Variants in AP5M1 observed in about 807,000 individuals in gnomAD.
AP5M1 encodes the protein AP-5 complex subunit mu-1.
AP5M1 carries 44 observed loss-of-function variants against 52.3 expected under a neutral mutation model. The observed-to-expected ratio is 0.84, with a 90% confidence interval of 0.66 to 1.08. The LOEUF (loss-of-function observed/expected upper bound fraction) is 1.08, where lower values mean the gene tolerates loss of function less well. Ranked by LOEUF, AP5M1 falls within the 50% of genes least tolerant of loss-of-function variation. The pLI is 0.00. For missense variants in AP5M1, 526 were observed against 568.4 expected (o/e 0.93, Z 0.76); for synonymous variants, 213 against 199.0 (o/e 1.07, Z -0.59).
intron 3 of AP5M1, among the ~76,000 whole-genome samples, chr14:57,281,247 G>A (rs76980129): frequency 3.9e-4 from 59 of 152,142 alleles, no homozygotes; most frequent in African/African-American, 1.4e-3. Context: ...CTTGCACCAC[G>A]TCTATAGTTG....
Position 57,280,267 on chromosome 14 carries a change from G to A in AP5M1, c.793G>A (p.Asp265Asn). 6.2e-7 allele frequency: 1 copy of A among 1,614,018 alleles called. No homozygotes were observed. The change falls in exon 3 of 8, where the codon GAT becomes AAT. Residue 265 changes from aspartate (D) to asparagine (N), a missense_variant. Asp to Asn is a conservative substitution (Grantham distance 23, BLOSUM62 1). Coordinates refer to ENST00000261558, the MANE Select transcript of AP5M1 (RefSeq NM_018229.4). ...SLPTNGSPLQ[D>N]ILVHPCVTSL... is the part of the protein sequence containing the mutation. Reference sequence around the variant, plus strand: ...CCCCACCAATGGATCTCCACTTCAGGATATTCTAGTTCACCCTTGTGTAAC... The same window carrying A: ...CCCCACCAATGGATCTCCACTTCAGAATATTCTAGTTCACCCTTGTGTAAC...
rs368064242 is a variant in AP5M1, at chr14:57,295,762, CCTTCCAGTTA to C, written c.*6886_*6895del. 317 of 150,022 alleles carry C rather than the reference CCTTCCAGTTA, an allele frequency of 2.1e-3. 1 individual carries two copies. The highest frequency in any genetic ancestry group is 7.3e-3 in the African/African-American group (298 of 40,876). 9.3% of individuals were successfully genotyped at this position (150,022 alleles called of 1,614,324 possible). Reference sequence around the variant, plus strand: ...TCATTTATTTATTTATTTGGGTATACCTTCCAGTTACTTCCAGATGCTTTATGTAACTTTC... The same window carrying C: ...TCATTTATTTATTTATTTGGGTATACCTTCCAGATGCTTTATGTAACTTTC... On this transcript the variant is annotated 3_prime_UTR_variant, in exon 8 of 8. Transcript: ENST00000261558.
intron 7 of AP5M1, among the ~76,000 whole-genome samples, chr14:57,288,075 G>T (rs961096333): frequency 1.3e-5 from 2 of 151,798 alleles, no homozygotes; most frequent in Non-Finnish European, 2.9e-5. Flanking sequence ...CTCAAACTTT[G>T]AAGAGAACAA....
At chr14:57,276,344 G>A (rs1278480644) in intron 2 of AP5M1, among the ~76,000 whole-genome samples, 1 of 152,196 alleles carries the variant, frequency 6.6e-6, no homozygotes, top group Non-Finnish European at 1.5e-5. Flanking sequence ...CAGAGGCCAA[G>A]GCGGGCGAAT....
chr14:57,271,614 C>G (rs921621153), intron 1 of AP5M1, among the ~76,000 whole-genome samples: 1 of 145,916 alleles, frequency 6.9e-6, no homozygotes, highest in Admixed American at 6.6e-5. Flanking sequence ...CAGATATTTT[C>G]TTTAATTTAC....
At chr14:57,271,008 G>A (rs1282738025) in intron 1 of AP5M1, 1 of 152,220 alleles carries the variant, frequency 6.6e-6, no homozygotes, top group Non-Finnish European at 1.5e-5. Flanking sequence ...TACCTATTGA[G>A]CTTTTGAGCT....
chr14:57,274,598 T>C lies in AP5M1; in HGVS notation c.429T>C (p.Tyr143=), dbSNP rs774630730. ...EFLFGIQDFL[Y]SGQKNDSELN... is the part of the protein sequence containing the mutation. The stretch of plus-strand genomic sequence containing the variant: ...TTTTTGGGATACAGGATTTTCTTTA[T>C]TCAGGTCAAAAAAATGACTCTGAGC... Residue 143 remains tyrosine, a synonymous_variant, in exon 2 of 8, where the codon TAT becomes TAC. Coordinates refer to ENST00000261558, the MANE Select transcript of AP5M1 (RefSeq NM_018229.4). 2 of 1,614,232 alleles carry C rather than the reference T, an allele frequency of 1.2e-6. No homozygotes were observed. The highest frequency in any genetic ancestry group is 1.7e-6 in the Non-Finnish European group (2 of 1,180,034).
chr14:57,274,305 C>T lies in AP5M1; in HGVS notation c.136C>T (p.Pro46Ser). ...VFNGASYVPV[P>S]EDGPFLKALL... ...CAATGGAGCAAGTTATGTGCCTGTTCCTGAAGATGGTCCCTTTCTTAAAGC... is the reference window on the plus strand; with the variant it reads ...CAATGGAGCAAGTTATGTGCCTGTTTCTGAAGATGGTCCCTTTCTTAAAGC... Residue 46 changes from proline to serine, a missense_variant, in exon 2 of 8, where the codon CCT (proline) becomes TCT (serine). Pro to Ser is a moderately conservative substitution (Grantham distance 74, BLOSUM62 -1). This residue lies in a region of AP5M1 where 425 missense variants were observed against 430.6 expected (regional missense o/e 0.99). Transcript: ENST00000261558. 2 of 1,614,064 alleles carry T rather than the reference C, an allele frequency of 1.2e-6. No individual in the cohort carries two copies. The highest frequency in any genetic ancestry group is 1.7e-6 in the Non-Finnish European group (2 of 1,180,000).
chr14:57,274,518 T>A lies in AP5M1; in HGVS notation c.349T>A (p.Ser117Thr). 6.2e-7 allele frequency: 1 copy of A among 1,614,174 alleles called. No homozygotes were observed. Among genetic ancestry groups the A allele is most frequent in the Non-Finnish European group, 8.5e-7 (1 of 1,180,038 alleles). ...ACVPLVEQTL[S>T]PRPPLISVSG... is the part of the protein sequence containing the mutation. ...TGTTCCACTAGTTGAACAAACTCTG[T>A]CCCCTCGTCCGCCACTAATTAGTGT... is the stretch of plus-strand genomic sequence containing the variant. Residue 117 changes from serine (S) to threonine (T), a missense_variant, in exon 2 of 8, where the codon TCC becomes ACC. By Grantham distance (58) the Ser-to-Thr change is moderately conservative. Around this residue, in one of 3 missense-constraint regions of AP5M1, gnomAD observed 425 missense variants for 430.6 expected, o/e 0.99. Coordinates refer to ENST00000261558, the MANE Select transcript of AP5M1 (RefSeq NM_018229.4).
intron 6 of AP5M1, 98 bp from the exon 7 acceptor site, chr14:57,286,125 T>C: frequency 1.3e-6 from 1 of 761,824 alleles, no homozygotes; most frequent in Non-Finnish European, 2.2e-6. Flanking sequence ...GTGAACTGTG[T>C]AAAATAAATT....
rs762453413 is a variant in AP5M1 at position 57,283,233 on chromosome 14, A to G, written c.1293+3A>G. The G allele has an allele frequency of 2.6e-6, 4 of 1,568,116 alleles. No individual in the cohort carries two copies. The East Asian group carries it at 6.7e-5, about 26-fold the overall frequency. ...CTGGAGAAACAGCATATTTAAAGGT[A>G]AACATATTTATACAGCTCACTACAG... is the stretch of plus-strand genomic sequence containing the variant. On this transcript the variant is annotated splice_donor_region_variant and intron_variant, in intron 6 of 7. Coordinates refer to ENST00000261558, the MANE Select transcript of AP5M1 (RefSeq NM_018229.4).
At chr14:57,278,543 C>G (rs555001451) in intron 2 of AP5M1, 199 of 152,250 alleles carry the variant, frequency 1.3e-3, no homozygotes, top group African/African-American at 4.6e-3. Flanking sequence ...TCATGAGTAC[C>G]TCTCATTGGC....
In AP5M1 at chr14:57,297,820, A is replaced by G. The variant is rs1353396878; in HGVS notation, c.*8936A>G. 1 of 152,174 alleles carries G rather than the reference A, an allele frequency of 6.6e-6. No homozygotes were observed. The highest frequency in any genetic ancestry group is 1.9e-4 in the East Asian group (1 of 5,198). 9.4% of individuals were successfully genotyped at this position (152,174 alleles called of 1,614,324 possible). ...ACATAACAAAACAGATTGTCCTGTCACCTAAAACAAATTAGTGATGTTTGA... is the reference window on the plus strand; with the variant it reads ...ACATAACAAAACAGATTGTCCTGTCGCCTAAAACAAATTAGTGATGTTTGA... On this transcript the variant is annotated 3_prime_UTR_variant, in exon 8 of 8. Transcript: ENST00000261558.
At chr14:57,282,861 C>A in intron 4 of AP5M1, 73 bp from the exon 5 acceptor site, 2 of 1,006,980 alleles carry the variant, frequency 2.0e-6, no homozygotes, top group Non-Finnish European at 2.9e-6. Flanking sequence ...GTAACAGTGG[C>A]CAAGTTTGAC....
At position 57,297,297 on chromosome 14, in the gene AP5M1, C is replaced by T. The variant is rs1272210711; in HGVS notation, c.*8413C>T. ...GTTTCTCCCACTGATTCCCCTCCTG[C>T]CTCCTTCACTGATTTTGAATGTGTG... On this transcript the variant is annotated 3_prime_UTR_variant, in exon 8 of 8. Coordinates refer to ENST00000261558, the MANE Select transcript of AP5M1 (RefSeq NM_018229.4). 1.3e-5 allele frequency: 2 copies of T among 152,056 alleles called. No homozygotes were observed. Among genetic ancestry groups the T allele is most frequent in the Non-Finnish European group, 2.9e-5 (2 of 68,006 alleles). The allele number at this position is 152,056 out of a possible 1,614,324, so 9.4% of individuals were successfully genotyped here.
At chr14:57,282,668 C>A (rs1294799203) in intron 4 of AP5M1, among the ~76,000 whole-genome samples, 2 of 152,108 alleles carry the variant, frequency 1.3e-5, no homozygotes, top group Non-Finnish European at 2.9e-5. Flanking sequence ...ATTGTAGCAA[C>A]CCATGTGACC....
chr14:57,284,478 C>T (rs1158779124), intron 6 of AP5M1, among the ~76,000 whole-genome samples: 2 of 151,998 alleles, frequency 1.3e-5, no homozygotes, highest in Non-Finnish European at 2.9e-5. Flanking sequence ...AGAGACAAGC[C>T]ATTCTGTAAC....
chr14:57,274,628 T>A lies in AP5M1; in HGVS notation c.459T>A (p.Asn153Lys), dbSNP rs1203201052. ...YSGQKNDSELNTKLSQLPDLL... is the reference protein window; with the variant it reads ...YSGQKNDSELKTKLSQLPDLL... The stretch of plus-strand genomic sequence containing the variant: ...GTCAAAAAAATGACTCTGAGCTGAA[T>A]ACAAAATTGAGCCAGTTGCCTGACT... Residue 153 changes from asparagine to lysine, a missense_variant, in exon 2 of 8, where the codon AAT becomes AAA. Coordinates refer to ENST00000261558, the MANE Select transcript of AP5M1 (RefSeq NM_018229.4). 6.2e-7 allele frequency: 1 copy of A among 1,614,234 alleles called. No individual in the cohort carries two copies. Among genetic ancestry groups the A allele is most frequent in the Non-Finnish European group, 8.5e-7 (1 of 1,180,034 alleles).
At chr14:57,269,457 G>C in intron 1 of AP5M1, 69 bp downstream of exon 1, 1 of 1,531,770 alleles carries the variant, frequency 6.5e-7, no homozygotes, top group Admixed American at 1.7e-5. Context: ...GTTTTGTGGT[G>C]CTTCGTGGCC....
Sources: gnomAD v4.1 joint callset for allele counts (sites outside exome capture counted in the v4.1 genomes callset) on GRCh38, gnomAD v4.1.1 for gene constraint, gnomAD v4.1.1 regional missense constraint, MANE v1.5 for transcripts, NCBI Gene and HGNC (gene_info 2026-07-23, HGNC 2026-07-21) for gene names.